Variants in SNTG2 observed in about 807,000 individuals in gnomAD.
The protein encoded by SNTG2 is gamma-2-syntrophin.
A neutral mutation model predicts 70.9 loss-of-function variants in SNTG2; 74 were observed. That is an observed-to-expected ratio of 1.04 (90% CI 0.86 to 1.27). The LOEUF is 1.27. Among genes scored for constraint, SNTG2 ranks in the 50% most tolerant of loss-of-function variants. SNTG2 has a pLI of 0.00. For missense variants in SNTG2, 717 were observed against 690.7 expected (o/e 1.04, Z -0.43); for synonymous variants, 278 against 273.8 (o/e 1.02, Z -0.15).
At chr2:1,031,576 G>C (rs1340909224) in intron 1 of SNTG2, among the ~76,000 whole-genome samples, 2 of 124,678 alleles carry the variant, frequency 1.6e-5, no homozygotes, top group Non-Finnish European at 3.3e-5. Context: ...CATTGCCCAG[G>C]CTGGAGTGCA....
At chr2:1,136,645 ATTAC>A (rs1425282994) in intron 4 of SNTG2, among the ~76,000 whole-genome samples, 1 of 152,226 alleles carries the variant, frequency 6.6e-6, no homozygotes, top group African/African-American at 2.4e-5. Flanking sequence ...AGAACAGGTT[ATTAC>A]TTGTTTTCCA....
intron 16 of SNTG2, among the ~76,000 whole-genome samples, chr2:1,318,607 G>A (rs571433607): frequency 6.6e-6 from 1 of 152,252 alleles, no homozygotes; most frequent in Non-Finnish European, 1.5e-5. Context: ...GCCCTGAGCC[G>A]CATCCTGGGG....
intron 4 of SNTG2, among the ~76,000 whole-genome samples, chr2:1,099,192 G>C (rs192446908): frequency 6.6e-6 from 1 of 152,260 alleles, no homozygotes; most frequent in East Asian, 1.9e-4. Flanking sequence ...CTCCTCCCCT[G>C]CTCTCCAGAG....
chr2:1,119,006 A>T (rs1214663397), intron 4 of SNTG2, among the ~76,000 whole-genome samples: 1 of 152,206 alleles, frequency 6.6e-6, no homozygotes, highest in African/African-American at 2.4e-5. Context: ...AAGGCAAAAA[A>T]AGGATAATTT....
chr2:1,218,538 G>C (rs1674547161), intron 9 of SNTG2, among the ~76,000 whole-genome samples: 1 of 152,236 alleles, frequency 6.6e-6, no homozygotes, highest in African/African-American at 2.4e-5. Flanking sequence ...AGCTGGATTT[G>C]AGCCAGGCTC....
intron 6 of SNTG2, 115 bp downstream of exon 6, chr2:1,137,924 A>G (rs1668503281): frequency 5.7e-6 from 6 of 1,057,278 alleles, no homozygotes; most frequent in Admixed American, 4.1e-5. Context: ...AGAATTGGAA[A>G]GAAAGCTCAA....
intron 9 of SNTG2, among the ~76,000 whole-genome samples, chr2:1,234,245 A>G (rs971375933): frequency 1.3e-5 from 2 of 152,208 alleles, no homozygotes; most frequent in African/African-American, 4.8e-5. Context: ...TGCGTGACTT[A>G]CACTAGTTAC....
chr2:969,527 T>C (rs1044212919), intron 1 of SNTG2, among the ~76,000 whole-genome samples: 3 of 152,268 alleles, frequency 2.0e-5, no homozygotes, highest in African/African-American at 4.8e-5. Context: ...TTGTGTCATC[T>C]CTGATTTCTT....
chr2:1,061,597 T>C (rs1434998985), intron 1 of SNTG2, among the ~76,000 whole-genome samples: 1 of 152,216 alleles, frequency 6.6e-6, no homozygotes, highest in African/African-American at 2.4e-5. Flanking sequence ...TCTGGCCCTC[T>C]TGGTGCTTCA....
At chr2:1,323,975 CA>C (rs1376908628) in intron 16 of SNTG2, among the ~76,000 whole-genome samples, 16 of 151,884 alleles carry the variant, frequency 1.1e-4, no homozygotes, top group African/African-American at 3.6e-4. Context: ...TAAGACCCCC[CA>C]GTAGGCTGGT....
At chr2:1,049,623 T>C (rs1661939857) in intron 1 of SNTG2, among the ~76,000 whole-genome samples, 1 of 152,236 alleles carries the variant, frequency 6.6e-6, no homozygotes, top group Non-Finnish European at 1.5e-5. Context: ...CAGGCTTTTG[T>C]GTGGACATGT....
At chr2:1,259,654 A>T (rs1466132904) in intron 13 of SNTG2, among the ~76,000 whole-genome samples, 1 of 152,204 alleles carries the variant, frequency 6.6e-6, no homozygotes, top group Admixed American at 6.5e-5. Context: ...TGAATGGATG[A>T]CAGGGTGTGT....
chr2:1,307,513 G>A (rs911233115), intron 14 of SNTG2, among the ~76,000 whole-genome samples: 36 of 151,668 alleles, frequency 2.4e-4, no homozygotes, highest in African/African-American at 8.5e-4. Context: ...TAGGCATCAA[G>A]CACCCATTTC....
chr2:1,281,383 TGTGTGGTGTGTGTTTATGTG>T, intron 14 of SNTG2, among the ~76,000 whole-genome samples: 1 of 60,430 alleles, frequency 1.7e-5, no homozygotes, highest in Admixed American at 1.5e-4. Flanking sequence ...GTGTATGTGG[TGTGTGGTGTGTGTTTATGTG>T]GTGTGTTGTG....
chr2:1,137,656 T>C lies in SNTG2; in HGVS notation c.360T>C (p.Ala120=). ...DQTGMLFVGD[A]VLQVNGIHVE... ...CAGGGATGTTGTTCGTAGGAGATGCTGTTCTCCAGGTCAGTATTGTACACG... is the reference window on the plus strand; with the variant it reads ...CAGGGATGTTGTTCGTAGGAGATGCCGTTCTCCAGGTCAGTATTGTACACG... The change falls in exon 5 of 17, where the codon GCT becomes GCC. Residue 120 remains alanine (A), a synonymous_variant. Coordinates refer to ENST00000308624, the MANE Select transcript of SNTG2 (RefSeq NM_018968.4). 1 of 1,613,214 alleles carries C rather than the reference T, an allele frequency of 6.2e-7. No homozygotes were observed. The highest frequency in any genetic ancestry group is 1.1e-5 in the South Asian group (1 of 90,826).
intron 16 of SNTG2, among the ~76,000 whole-genome samples, chr2:1,323,638 C>T (rs1410783136): frequency 1.3e-5 from 2 of 149,012 alleles, no homozygotes; most frequent in Non-Finnish European, 3.0e-5. Flanking sequence ...ATGGCTAAGA[C>T]CCCCCAGTAG....
intron 4 of SNTG2, among the ~76,000 whole-genome samples, chr2:1,110,304 A>G (rs540628969): frequency 2.7e-4 from 41 of 152,326 alleles, no homozygotes; most frequent in Admixed American, 2.5e-3. Context: ...TCACCATGAC[A>G]TGGGCCTCCA....
intron 16 of SNTG2, among the ~76,000 whole-genome samples, chr2:1,319,505 G>T (rs4603806): frequency 0.02 from 3,013 of 152,252 alleles, 78 homozygotes; most frequent in African/African-American, 0.066. Context: ...AGGCCCCTCC[G>T]TGGCACCCCT....
intron 6 of SNTG2, chr2:1,160,901 G>T (rs28392756): frequency 0.071 from 10,866 of 152,302 alleles, 835 homozygotes; most frequent in African/African-American, 0.19. Flanking sequence ...AGCCACCCAG[G>T]CATGGCTAAG....
Sources: allele counts gnomAD v4.1 joint callset (sites outside exome capture counted in the v4.1 genomes callset), GRCh38; gene constraint gnomAD v4.1.1; transcripts MANE v1.5; gene names NCBI Gene and HGNC (gene_info 2026-07-23, HGNC 2026-07-21).